ADGRB3: variants seen among roughly 807,000 people sequenced by gnomAD.
The protein encoded by ADGRB3 is brain-specific angiogenesis inhibitor 3.
ADGRB3 carries 37 observed loss-of-function variants against 193.4 expected under a neutral mutation model. The ratio of observed to expected loss-of-function variants is 0.19; its 90% CI spans 0.15 to 0.25. The LOEUF (loss-of-function observed/expected upper bound fraction) is 0.25. Ranked by LOEUF, ADGRB3 falls within the 10% of genes least tolerant of loss-of-function variation. ADGRB3 has a pLI of 1.00. For synonymous variants in ADGRB3, 690 were observed against 644.2 expected, an observed-to-expected ratio of 1.07 and a Z score of -1.08; for missense variants, 1,637 against 1,852.9, an observed-to-expected ratio of 0.88 and a Z score of 2.14.
intron 16 of ADGRB3, among the ~76,000 whole-genome samples, chr6:69,071,029 CT>C (rs1354007185): frequency 1.3e-5 from 2 of 152,296 alleles, no homozygotes; most frequent in East Asian, 3.9e-4. Flanking sequence ...CTGCCCTTCA[CT>C]ATGGTGAAAT....
chr6:68,875,404 G>C (rs1009405959), intron 3 of ADGRB3, among the ~76,000 whole-genome samples: 1 of 151,474 alleles, frequency 6.6e-6, no homozygotes, highest in Non-Finnish European at 1.5e-5. Context: ...ATGAAAGTGA[G>C]CCATTGCAGA....
chr6:68,744,915 A>G (rs1034123396), intron 3 of ADGRB3, among the ~76,000 whole-genome samples: 7 of 152,182 alleles, frequency 4.6e-5, no homozygotes, highest in Non-Finnish European at 1.0e-4. Flanking sequence ...ACAAAGAGAA[A>G]TATAAAAAGA....
chr6:68,726,457 A>G (rs898888094), intron 3 of ADGRB3, among the ~76,000 whole-genome samples: 4 of 151,608 alleles, frequency 2.6e-5, no homozygotes, highest in Admixed American at 2.0e-4. Context: ...TTCTATGCAG[A>G]GAAAAACAAA....
chr6:69,165,715 T>C (rs1290128594), intron 17 of ADGRB3, among the ~76,000 whole-genome samples: 1 of 152,076 alleles, frequency 6.6e-6, no homozygotes, highest in Non-Finnish European at 1.5e-5. Flanking sequence ...CACCTGTCTC[T>C]CCTCTAAATT....
chr6:69,296,369 A>AT (rs1458785437), intron 20 of ADGRB3, among the ~76,000 whole-genome samples: 8 of 152,062 alleles, frequency 5.3e-5, no homozygotes, highest in Non-Finnish European at 7.4e-5. Flanking sequence ...TCATCTCATT[A>AT]TTTTTACTCA....
chr6:69,033,811 G>C (rs918051470), intron 13 of ADGRB3, among the ~76,000 whole-genome samples: 1 of 151,990 alleles, frequency 6.6e-6, no homozygotes, highest in African/African-American at 2.4e-5. Context: ...AAAGAATGAA[G>C]ATACGTTTTA....
At chr6:69,210,595 G>A (rs1765643464) in intron 17 of ADGRB3, among the ~76,000 whole-genome samples, 2 of 152,034 alleles carry the variant, frequency 1.3e-5, no homozygotes, top group African/African-American at 4.8e-5. Flanking sequence ...GGTCCTACTG[G>A]GTGGTCTAAA....
intron 8 of ADGRB3, among the ~76,000 whole-genome samples, 187 bp from the exon 9 acceptor site, chr6:68,974,576 A>C (rs556018834): frequency 2.6e-5 from 4 of 152,254 alleles, no homozygotes; most frequent in Admixed American, 2.0e-4. Flanking sequence ...GCGGCTGCAC[A>C]GTGAGCTAGG....
intron 3 of ADGRB3, among the ~76,000 whole-genome samples, chr6:68,672,893 T>C (rs1471132622): frequency 6.6e-6 from 1 of 152,128 alleles, no homozygotes; most frequent in African/African-American, 2.4e-5. Context: ...AAAGTACTTC[T>C]GCTTCCAGAT....
At chr6:68,719,338 A>G (rs2127322594) in intron 3 of ADGRB3, among the ~76,000 whole-genome samples, 1 of 151,788 alleles carries the variant, frequency 6.6e-6, no homozygotes, top group East Asian at 1.9e-4. Context: ...GACTAGTGTG[A>G]CCGAATAATT....
At chr6:69,124,675 T>A (rs1210888141) in intron 17 of ADGRB3, among the ~76,000 whole-genome samples, 1 of 152,232 alleles carries the variant, frequency 6.6e-6, no homozygotes, top group East Asian at 1.9e-4. Context: ...ACAATTATAA[T>A]TTCAATTTCC....
intron 20 of ADGRB3, among the ~76,000 whole-genome samples, chr6:69,320,273 A>G (rs1561986507): frequency 6.6e-6 from 1 of 151,318 alleles, no homozygotes; most frequent in Non-Finnish European, 1.5e-5. Flanking sequence ...TCATGGCTAT[A>G]TTTTTAAAAT....
chr6:68,889,209 C>A (rs1377828943), intron 3 of ADGRB3, among the ~76,000 whole-genome samples: 1 of 152,114 alleles, frequency 6.6e-6, no homozygotes, highest in East Asian at 1.9e-4. Flanking sequence ...TAAACAAATT[C>A]ACATTGGTTT....
chr6:68,661,323 GTGTA>G lies in ADGRB3; in HGVS notation c.757+21893_757+21896del, dbSNP rs1489797934. ...TATATATATGTGTGTGTGTGTGTGT[GTGTA>G]TATATATATATATATGTGTGTGTGT... On this transcript the variant is annotated intron_variant, in intron 3 of 31. Coordinates refer to ENST00000370598, the MANE Select transcript of ADGRB3 (RefSeq NM_001704.3). Among the ~76,000 whole-genome samples, 101 of 111,174 alleles carry G rather than the reference GTGTA, an allele frequency of 9.1e-4. 2 individuals are homozygous for G. The highest frequency in any genetic ancestry group is 3.6e-3 in the African/African-American group (87 of 23,954). The allele number at this position is 111,174 out of a possible 152,430, so 72.9% of individuals were successfully genotyped here. A position where few individuals can be genotyped will look rare whatever the true frequency, so the allele number is the denominator to read the frequency against.
chr6:68,839,714 C>T (rs750268346), intron 3 of ADGRB3, among the ~76,000 whole-genome samples: 1 of 152,018 alleles, frequency 6.6e-6, no homozygotes, highest in Non-Finnish European at 1.5e-5. Flanking sequence ...CCTATTTACA[C>T]AAAAAAGAGC....
chr6:69,313,409 A>G (rs1035145599), intron 20 of ADGRB3, among the ~76,000 whole-genome samples: 2 of 151,878 alleles, frequency 1.3e-5, no homozygotes, highest in South Asian at 2.1e-4. Flanking sequence ...TTGATCAAAC[A>G]TGATAAACAG....
At chr6:69,219,133 T>C (rs1448792899) in intron 17 of ADGRB3, among the ~76,000 whole-genome samples, 3 of 151,978 alleles carry the variant, frequency 2.0e-5, no homozygotes. Flanking sequence ...ATTGCAAAGA[T>C]GAAAATTGTT....
At chr6:68,948,135 A>G (rs1767821776) in intron 6 of ADGRB3, among the ~76,000 whole-genome samples, 2 of 152,184 alleles carry the variant, frequency 1.3e-5, no homozygotes, top group Admixed American at 1.3e-4. Context: ...CATAATTGGT[A>G]AAGAAATAGC....
chr6:68,915,158 C>T (rs945054566), intron 3 of ADGRB3, among the ~76,000 whole-genome samples: 2 of 152,116 alleles, frequency 1.3e-5, no homozygotes, highest in African/African-American at 4.8e-5. Flanking sequence ...ATGACTTGGC[C>T]ATCAATTTGA....
Sources: allele counts gnomAD v4.1 joint callset (sites outside exome capture counted in the v4.1 genomes callset), GRCh38; gene constraint gnomAD v4.1.1; transcripts MANE v1.5; gene names NCBI Gene and HGNC (gene_info 2026-07-23, HGNC 2026-07-21).